The following SPEF2 variants were observed in gnomAD, a reference collection of about 807,000 sequenced individuals.
SPEF2 encodes sperm flagellar and cilia associated 2.
A neutral mutation model predicts 224.6 loss-of-function variants in SPEF2; 187 were observed. The ratio of observed to expected loss-of-function variants is 0.83; its 90% CI spans 0.74 to 0.94. The LOEUF (loss-of-function observed/expected upper bound fraction) is 0.94. SPEF2 is among the 40% of genes least tolerant of loss of function. The pLI is 0.00. For missense variants in SPEF2, 2,170 were observed against 2,135.6 expected, an observed-to-expected ratio of 1.02 and a Z score of -0.32; for synonymous variants, 715 against 707.3, an observed-to-expected ratio of 1.01 and a Z score of -0.17.
At chr5:35,788,509 G>T (rs1287336462) in intron 30 of SPEF2, 1 of 702,558 alleles carries the variant, frequency 1.4e-6, no homozygotes, top group African/African-American at 1.7e-5. Flanking sequence ...TTGTCTATGT[G>T]CAGTTTGCAC....
chr5:35,649,277 C>G, intron 5 of SPEF2, 84 bp from the exon 6 acceptor site: 1 of 1,184,548 alleles, frequency 8.4e-7, no homozygotes, highest in Non-Finnish European at 1.2e-6. Flanking sequence ...GTACTTGTCA[C>G]TTTATAAACT....
chr5:35,753,762 G>T lies in SPEF2; in HGVS notation c.3468+1G>T. 1 of 1,614,016 alleles carries T rather than the reference G, an allele frequency of 6.2e-7. No individual in the cohort carries two copies. Among genetic ancestry groups the T allele is most frequent in the Non-Finnish European group, 8.5e-7 (1 of 1,179,974 alleles). On this transcript the variant is annotated splice_donor_variant, in intron 24 of 36. Coordinates refer to ENST00000356031, the MANE Select transcript of SPEF2 (RefSeq NM_024867.4). LOFTEE classifies it high-confidence loss of function. ...GAACCATTTCTTTTCCCTGATGCAGGTAAGAGCAGCTGGTCACAATAACCC... is the reference window on the plus strand; with the variant it reads ...GAACCATTTCTTTTCCCTGATGCAGTTAAGAGCAGCTGGTCACAATAACCC...
chr5:35,779,650 T>C (rs1754054086), intron 30 of SPEF2, among the ~76,000 whole-genome samples: 2 of 152,192 alleles, frequency 1.3e-5, no homozygotes, highest in African/African-American at 4.8e-5. Context: ...ACCTGGCAGC[T>C]TACAGAAAGA....
At chr5:35,677,237 T>C (rs1308814472) in intron 10 of SPEF2, among the ~76,000 whole-genome samples, 2 of 152,178 alleles carry the variant, frequency 1.3e-5, no homozygotes, top group Non-Finnish European at 2.9e-5. Flanking sequence ...GACAGGTGAA[T>C]TCAGATGTAG....
chr5:35,732,368 GC>G (rs1192368578), intron 21 of SPEF2, among the ~76,000 whole-genome samples: 23 of 152,196 alleles, frequency 1.5e-4, no homozygotes, highest in Middle Eastern at 6.8e-3. Flanking sequence ...TTAGTGGTGT[GC>G]TTTTTAAAAA....
chr5:35,645,523 C>T (rs534056922), intron 4 of SPEF2, among the ~76,000 whole-genome samples: 5 of 152,236 alleles, frequency 3.3e-5, no homozygotes, highest in African/African-American at 1.2e-4. Context: ...GTAAAGCAGT[C>T]ATGTAATTAT....
In SPEF2 at chr5:35,659,121, GT is replaced by G; in HGVS notation, c.1085del (p.Leu362TyrfsTer75). 1.9e-6 allele frequency: 3 copies of G among 1,613,220 alleles called. No individual in the cohort carries two copies. The highest frequency in any genetic ancestry group is 2.5e-6 in the Non-Finnish European group (3 of 1,179,472). On this transcript the variant is annotated frameshift_variant, in exon 8 of 37. Coordinates refer to ENST00000356031, the MANE Select transcript of SPEF2 (RefSeq NM_024867.4). LOFTEE classifies it high-confidence loss of function. ...CATGCATGTTCGGCATGAAAAGGAA[GT>G]TTTATGGCAAAACAGAATTTTCAGA... The part of the protein sequence containing the change: ...QLMHVRHEKE[V>X]LWQNRIFREK...
intron 10 of SPEF2, among the ~76,000 whole-genome samples, chr5:35,681,189 T>C (rs966968066): frequency 2.6e-4 from 40 of 152,348 alleles, no homozygotes; most frequent in African/African-American, 9.4e-4. Flanking sequence ...TAAGAGGTTT[T>C]AGAGATTCAC....
intron 20 of SPEF2, among the ~76,000 whole-genome samples, chr5:35,725,286 A>T (rs892213514): frequency 1.3e-5 from 2 of 152,170 alleles, no homozygotes; most frequent in South Asian, 4.1e-4. Flanking sequence ...TTTGCTGAAC[A>T]TGGTTGACCC....
At chr5:35,809,689 T>C (rs1033182390) in intron 36 of SPEF2, among the ~76,000 whole-genome samples, 2 of 152,124 alleles carry the variant, frequency 1.3e-5, no homozygotes, top group Admixed American at 1.3e-4. Context: ...GAAATGTGGA[T>C]TCCATTTGAA....
intron 36 of SPEF2, among the ~76,000 whole-genome samples, chr5:35,811,100 A>AAT (rs1758505556): frequency 6.6e-6 from 1 of 150,456 alleles, no homozygotes; most frequent in Admixed American, 6.6e-5. Flanking sequence ...TAAAAAAAAA[A>AAT]ATAATAAATA....
intron 33 of SPEF2, among the ~76,000 whole-genome samples, chr5:35,796,301 AGCCAG>A (rs202221352): frequency 0.041 from 6,234 of 152,256 alleles, 363 homozygotes; most frequent in African/African-American, 0.12. Flanking sequence ...CACAATAAAA[AGCCAG>A]ACCTTAAAAA....
chr5:35,790,283 T>C, intron 30 of SPEF2: 1 of 612,204 alleles, frequency 1.6e-6, no homozygotes, highest in South Asian at 1.9e-5. Context: ...AAGCTATCCA[T>C]TTATGGAATG....
chr5:35,710,704 G>A, intron 19 of SPEF2: 1 of 985,064 alleles, frequency 1.0e-6, no homozygotes, highest in Non-Finnish European at 1.2e-6. Flanking sequence ...GAGTATCTAT[G>A]TATTTGAGCC....
At chr5:35,657,813 C>T (rs1749163035) in intron 7 of SPEF2, among the ~76,000 whole-genome samples, 1 of 152,164 alleles carries the variant, frequency 6.6e-6, no homozygotes, top group East Asian at 1.9e-4. Context: ...TGCCCCAAGT[C>T]AGTTACCTCT....
chr5:35,741,553 A>G (rs967273810), intron 23 of SPEF2, among the ~76,000 whole-genome samples: 14 of 152,194 alleles, frequency 9.2e-5, no homozygotes, highest in African/African-American at 3.1e-4. Flanking sequence ...TTATGAGAAT[A>G]TAGCTATTGA....
chr5:35,630,985 G>A (rs560509846), intron 2 of SPEF2, among the ~76,000 whole-genome samples: 12 of 152,254 alleles, frequency 7.9e-5, no homozygotes, highest in Admixed American at 4.6e-4. Context: ...TAACTAATAA[G>A]GAGATGAATA....
chr5:35,772,344 G>A (rs1477199433), intron 27 of SPEF2, among the ~76,000 whole-genome samples: 1 of 152,150 alleles, frequency 6.6e-6, no homozygotes, highest in Non-Finnish European at 1.5e-5. Context: ...TCTGTGATAT[G>A]TTTATTATAC....
rs867420931 is a variant in SPEF2 at position 35,793,144 on chromosome 5, C to T, written c.4555-15C>T. On this transcript the variant is annotated splice_polypyrimidine_tract_variant and intron_variant, in intron 31 of 36. Transcript: ENST00000356031. Reference sequence around the variant, plus strand: ...TCATGTAGATATTCCAAAGATATTTCCTGTTTTCTTCTAGTTACAGGAATT... The same window carrying T: ...TCATGTAGATATTCCAAAGATATTTTCTGTTTTCTTCTAGTTACAGGAATT... The T allele has an allele frequency of 6.2e-7, 1 of 1,609,156 alleles. No homozygotes were observed. The highest frequency in any genetic ancestry group is 8.5e-7 in the Non-Finnish European group (1 of 1,176,976).
Sources: gnomAD v4.1 joint callset for allele counts (sites outside exome capture counted in the v4.1 genomes callset) on GRCh38, gnomAD v4.1.1 for gene constraint, MANE v1.5 for transcripts, NCBI Gene and HGNC (gene_info 2026-07-23, HGNC 2026-07-21) for gene names.